The following DENND2A variants were observed in gnomAD, a reference collection of about 807,000 sequenced individuals.
DENND2A encodes DENN domain-containing protein 2A.
Under a neutral mutation model 105.3 loss-of-function variants are expected in DENND2A, and 53 were observed. The observed-to-expected ratio is 0.50, with a 90% CI of 0.40 to 0.63. The LOEUF (loss-of-function observed/expected upper bound fraction) is 0.63. Among genes scored for constraint, DENND2A ranks in the 30% least tolerant of loss-of-function variants. The probability of loss-of-function intolerance (pLI) is 0.00; values close to 1 mark genes in which losing one functional copy is unlikely to be tolerated. For missense variants in DENND2A, 1,138 were observed against 1,279.6 expected, an observed-to-expected ratio of 0.89 and a Z score of 1.69; for synonymous variants, 522 against 508.4, an observed-to-expected ratio of 1.03 and a Z score of -0.36.
chr7:140,616,435 GC>G (rs1341211965), intron 1 of DENND2A, among the ~76,000 whole-genome samples: 1 of 152,058 alleles, frequency 6.6e-6, no homozygotes, highest in African/African-American at 2.4e-5. Context: ...GCTAAGTGAG[GC>G]GGGGAAGTAA....
chr7:140,621,684 A>C (rs1277689643), intron 1 of DENND2A, among the ~76,000 whole-genome samples: 1 of 152,190 alleles, frequency 6.6e-6, no homozygotes, highest in Non-Finnish European at 1.5e-5. Flanking sequence ...ACCTGGGAGA[A>C]ATGTAAAATA....
chr7:140,622,168 T>C (rs948351336), intron 1 of DENND2A, among the ~76,000 whole-genome samples: 7 of 151,914 alleles, frequency 4.6e-5, no homozygotes, highest in African/African-American at 1.5e-4. Flanking sequence ...GAGGCTGAGA[T>C]GGACAGATCA....
Position 140,573,119 on chromosome 7 carries a change from A to G in DENND2A, c.1446+689T>C, listed in dbSNP as rs139970682. Among the ~76,000 whole-genome samples the G allele has an allele frequency of 2.6e-4, 39 of 152,150 alleles. 1 individual carries two copies. The highest frequency in any genetic ancestry group is 8.2e-4 in the African/African-American group (34 of 41,522). The stretch of plus-strand genomic sequence containing the variant: ...GCCCAGTCACTTCTTTGGGTCTTAC[A>G]TTTTTCTTTTGAGGGCTCCCACGTA... On this transcript the variant is annotated intron_variant, in intron 6 of 19. Transcript: ENST00000496613.
rs1266393139 is a variant in DENND2A at position 140,521,863 on chromosome 7, T to C, written c.2903A>G (p.Asp968Gly). The change falls in exon 18 of 20, where the codon GAT becomes GGT. Residue 968 changes from aspartate (D) to glycine (G), a missense_variant. Asp to Gly is a moderately conservative substitution (Grantham distance 94, BLOSUM62 -1). This residue lies in a region of DENND2A where 627 missense variants were observed against 779.8 expected (regional missense o/e 0.80). Coordinates refer to ENST00000496613, the MANE Select transcript of DENND2A (RefSeq NM_015689.5). ...GAGAAGATGCCCCTCACCTTTGGCA[T>C]CCTGCCGGCGCAGCTCCCGCTCCTG... The part of the protein sequence containing the change: ...FIQERELRRQ[D>G]AKGLFEVRAQ... 10 of 1,613,896 alleles carry C rather than the reference T, an allele frequency of 6.2e-6. No individual in the cohort carries two copies. Among genetic ancestry groups the C allele is most frequent in the South Asian group, 3.3e-5 (3 of 91,080 alleles).
intron 16 of DENND2A, among the ~76,000 whole-genome samples, chr7:140,524,532 A>G (rs1296742927): frequency 7.9e-5 from 12 of 151,992 alleles, no homozygotes; most frequent in Admixed American, 2.0e-4. Context: ...GCGTGCGCGC[A>G]CACACGCACA....
chr7:140,631,869 C>T (rs988521291), intron 1 of DENND2A, among the ~76,000 whole-genome samples: 5 of 152,150 alleles, frequency 3.3e-5, no homozygotes, highest in African/African-American at 1.2e-4. Context: ...CAAGCTGCTT[C>T]GGGAAGTTCC....
chr7:140,584,399 T>C (rs2130642265), intron 5 of DENND2A, among the ~76,000 whole-genome samples: 1 of 152,306 alleles, frequency 6.6e-6, no homozygotes, highest in South Asian at 2.1e-4. Flanking sequence ...ATATTTACTC[T>C]ATGGCCCTTT....
intron 1 of DENND2A, among the ~76,000 whole-genome samples, chr7:140,629,036 G>T (rs1165369398): frequency 1.3e-5 from 2 of 152,162 alleles, no homozygotes; most frequent in African/African-American, 4.8e-5. Flanking sequence ...GATTGCAATT[G>T]TTCAAAACGG....
chr7:140,625,383 G>GA (rs200879219), intron 1 of DENND2A, among the ~76,000 whole-genome samples: 12 of 145,842 alleles, frequency 8.2e-5, no homozygotes, highest in African/African-American at 2.6e-4. Flanking sequence ...TTTCAAGAAA[G>GA]AAAAAAAAAG....
intron 1 of DENND2A, among the ~76,000 whole-genome samples, chr7:140,618,468 T>C (rs1800163771): frequency 2.0e-5 from 3 of 152,222 alleles, no homozygotes; most frequent in Admixed American, 2.0e-4. Flanking sequence ...TTAGTGTTCC[T>C]ATCATTTTTT....
intron 1 of DENND2A, among the ~76,000 whole-genome samples, chr7:140,618,796 T>C (rs1800176013): frequency 6.6e-6 from 1 of 152,028 alleles, no homozygotes; most frequent in Admixed American, 6.6e-5. Flanking sequence ...TATGATTATA[T>C]ATTTCCTTTT....
At chr7:140,555,093 C>A (rs1308301884) in intron 12 of DENND2A, among the ~76,000 whole-genome samples, 1 of 151,922 alleles carries the variant, frequency 6.6e-6, no homozygotes, top group African/African-American at 2.4e-5. Context: ...TCTTGCCATC[C>A]CTGCACCACA....
rs371734352 is a variant in DENND2A, at chr7:140,567,179, C to G, written c.1686G>C (p.Arg562Ser). The change falls in exon 9 of 20, where the codon AGG becomes AGC. Residue 562 changes from arginine to serine, a missense_variant. Around this residue, in one of 2 missense-constraint regions of DENND2A, gnomAD observed 627 missense variants for 779.8 expected, o/e 0.80. Transcript: ENST00000496613. ...CAACCACAAAGTACTCGAAGAGCTG[C>G]CTCTCCTGGTACTCGATGAGTTCCC... ...LARELIEYQERQLFEYFVVVS... is the reference protein window; with the variant it reads ...LARELIEYQESQLFEYFVVVS... 88 of 1,613,716 alleles carry G rather than the reference C, an allele frequency of 5.5e-5. No homozygotes were observed. Among genetic ancestry groups the G allele is most frequent in the Non-Finnish European group, 7.2e-5 (85 of 1,179,940 alleles).
In DENND2A at chr7:140,563,283, C is replaced by T. The variant is rs139072444; in HGVS notation, c.1780-3466G>A. 4.0e-3 allele frequency among the ~76,000 whole-genome samples: 604 copies of T among 152,272 alleles called. 1 individual carries two copies. Among genetic ancestry groups the T allele is most frequent in the Middle Eastern group, 6.8e-3 (2 of 294 alleles). Reference sequence around the variant, plus strand: ...ACACACAAATACAGGCACACTTGTGCCTACCCACACGTCATCAACCTACGA... The same window carrying T: ...ACACACAAATACAGGCACACTTGTGTCTACCCACACGTCATCAACCTACGA... On this transcript the variant is annotated intron_variant, in intron 9 of 19. Coordinates refer to ENST00000496613, the MANE Select transcript of DENND2A (RefSeq NM_015689.5).
chr7:140,626,874 AG>A (rs1461291349), intron 1 of DENND2A, among the ~76,000 whole-genome samples: 1 of 152,228 alleles, frequency 6.6e-6, no homozygotes, highest in African/African-American at 2.4e-5. Context: ...AGCTTGAGAG[AG>A]GGTTTATCAT....
Position 140,527,387 on chromosome 7 carries a change from C to T in DENND2A, c.2436G>A (p.Ser812=), listed in dbSNP as rs1010228220. The change falls in exon 15 of 20, where the codon TCG becomes TCA. Residue 812 remains serine, a synonymous_variant. Coordinates refer to ENST00000496613, the MANE Select transcript of DENND2A (RefSeq NM_015689.5). The surrounding 1 kb of genome is among the most constrained non-coding windows in gnomAD (Gnocchi z 4.9). ...LPPAMVDIVC[S]PTPFLIGLLS... Reference sequence around the variant, plus strand: ...GCAGCCCGATGAGGAAGGGCGTCGGCGAGCACACGATGTCGACCATGGCGG... The same window carrying T: ...GCAGCCCGATGAGGAAGGGCGTCGGTGAGCACACGATGTCGACCATGGCGG... 1.6e-5 allele frequency: 25 copies of T among 1,608,034 alleles called. No homozygotes were observed. Among genetic ancestry groups the T allele is most frequent in the East Asian group, 4.5e-5 (2 of 44,674 alleles).
chr7:140,621,058 C>A (rs1485279206), intron 1 of DENND2A, among the ~76,000 whole-genome samples: 2 of 152,192 alleles, frequency 1.3e-5, no homozygotes, highest in African/African-American at 4.8e-5. Context: ...GAGACAAGGT[C>A]TCGCTCTGTC....
chr7:140,618,400 T>C (rs1800161800), intron 1 of DENND2A, among the ~76,000 whole-genome samples: 1 of 152,184 alleles, frequency 6.6e-6, no homozygotes, highest in South Asian at 2.1e-4. Context: ...TGTTCTCAGG[T>C]AGGCCGGAAA....
intron 1 of DENND2A, among the ~76,000 whole-genome samples, chr7:140,616,818 T>C (rs1242964749): frequency 6.6e-6 from 1 of 152,172 alleles, no homozygotes; most frequent in East Asian, 1.9e-4. Context: ...GCATTGTCAG[T>C]CAGCATCAGA....
Sources: allele counts gnomAD v4.1 joint callset (sites outside exome capture counted in the v4.1 genomes callset), GRCh38; gene constraint gnomAD v4.1.1; regional missense constraint gnomAD v4.1.1; non-coding constraint Gnocchi (gnomAD v3.1); transcripts MANE v1.5; gene names NCBI Gene and HGNC (gene_info 2026-07-23, HGNC 2026-07-21).